Variants in NTRK3 observed in about 807,000 individuals in gnomAD.
NTRK3 encodes the protein NT-3 growth factor receptor.
Under a neutral mutation model 91.7 loss-of-function variants are expected in NTRK3, and 24 were observed. The ratio of observed to expected loss-of-function variants is 0.26; its 90% CI spans 0.19 to 0.37. The LOEUF (loss-of-function observed/expected upper bound fraction) is 0.37. Among genes scored for constraint, NTRK3 ranks in the 10% least tolerant of loss-of-function variants. The pLI, the probability that NTRK3 is intolerant of heterozygous loss-of-function variation, is 1.00. For synonymous variants in NTRK3, 483 were observed against 404.0 expected (o/e 1.20, Z -2.34); for missense variants, 880 against 1,068.9 (o/e 0.82, Z 2.46).
chr15:87,888,564 A>C (rs1306173250), intron 17 of NTRK3, among the ~76,000 whole-genome samples: 1 of 152,156 alleles, frequency 6.6e-6, no homozygotes, highest in African/African-American at 2.4e-5. Flanking sequence ...GATGATTCCC[A>C]TAGTCCCTTG....
intron 3 of NTRK3, among the ~76,000 whole-genome samples, chr15:88,194,206 G>T (rs147271791): frequency 6.6e-6 from 1 of 152,108 alleles, no homozygotes; most frequent in Non-Finnish European, 1.5e-5. Context: ...AGGCTCCTTC[G>T]CTGATGTCGT....
chr15:88,011,617 C>A (rs1188253873), intron 14 of NTRK3, among the ~76,000 whole-genome samples: 1 of 152,120 alleles, frequency 6.6e-6, no homozygotes, highest in Non-Finnish European at 1.5e-5. Flanking sequence ...TGAAAAGAAG[C>A]CGCAGCTGAA....
intron 14 of NTRK3, among the ~76,000 whole-genome samples, chr15:87,972,935 T>C (rs1318554595): frequency 6.6e-6 from 1 of 152,216 alleles, no homozygotes; most frequent in Non-Finnish European, 1.5e-5. Flanking sequence ...CTGTGGGATC[T>C]GTGCTCCTCA....
chr15:88,070,339 C>T (rs2046994545), intron 13 of NTRK3, among the ~76,000 whole-genome samples: 1 of 152,098 alleles, frequency 6.6e-6, no homozygotes, highest in South Asian at 2.1e-4. Flanking sequence ...CTGCCTTGAT[C>T]GTCCCCCAAC....
chr15:88,060,561 A>G (rs2142464001), intron 13 of NTRK3, among the ~76,000 whole-genome samples: 1 of 152,186 alleles, frequency 6.6e-6, no homozygotes, highest in South Asian at 2.1e-4. Flanking sequence ...AGGGGGAGAC[A>G]GGGTAGAGAG....
intron 15 of NTRK3, among the ~76,000 whole-genome samples, chr15:87,934,450 C>A (rs527460897): frequency 6.6e-6 from 1 of 152,318 alleles, no homozygotes; most frequent in South Asian, 2.1e-4. Context: ...ACTGACCTCT[C>A]CTATAGATCA....
At chr15:88,161,106 G>A (rs1216575851) in intron 5 of NTRK3, among the ~76,000 whole-genome samples, 5 of 152,188 alleles carry the variant, frequency 3.3e-5, no homozygotes, top group African/African-American at 1.2e-4. Flanking sequence ...ATTTGAGGTG[G>A]TAATAGTAAT....
intron 3 of NTRK3, among the ~76,000 whole-genome samples, chr15:88,208,227 T>C (rs912430952): frequency 7.2e-5 from 11 of 151,910 alleles, no homozygotes; most frequent in South Asian, 2.1e-4. Context: ...TCTCTCAAAG[T>C]CCATTTCTTC....
At chr15:88,093,936 T>C (rs893299973) in intron 13 of NTRK3, among the ~76,000 whole-genome samples, 1 of 152,112 alleles carries the variant, frequency 6.6e-6, no homozygotes, top group Admixed American at 6.5e-5. Context: ...CCCAATCCTA[T>C]GGGAAACTGA....
chr15:88,199,267 G>A (rs1170593765), intron 3 of NTRK3, among the ~76,000 whole-genome samples: 2 of 151,938 alleles, frequency 1.3e-5, no homozygotes, highest in South Asian at 2.1e-4. Context: ...GAGCTGGTGA[G>A]AGTCCACTCC....
intron 14 of NTRK3, among the ~76,000 whole-genome samples, chr15:88,027,839 A>G (rs1356530449): frequency 6.6e-6 from 1 of 152,206 alleles, no homozygotes; most frequent in Non-Finnish European, 1.5e-5. Context: ...CAGGACATGT[A>G]TATTTGAGAA....
At chr15:88,135,046 T>A (rs2041741642) in intron 10 of NTRK3, 55 bp downstream of exon 10, 13 of 1,600,556 alleles carry the variant, frequency 8.1e-6, no homozygotes, top group Non-Finnish European at 1.1e-5. Flanking sequence ...ATGCCCCATC[T>A]CCCAAGCTTG....
intron 14 of NTRK3, among the ~76,000 whole-genome samples, chr15:87,949,414 T>C (rs986869275): frequency 1.3e-5 from 2 of 152,060 alleles, no homozygotes; most frequent in Admixed American, 6.5e-5. Context: ...GGGGCACGTG[T>C]GCACCCTTAG....
chr15:88,133,942 T>C (rs1209942935), intron 10 of NTRK3, among the ~76,000 whole-genome samples: 1 of 152,226 alleles, frequency 6.6e-6, no homozygotes, highest in Non-Finnish European at 1.5e-5. Context: ...GGGCCTCCAG[T>C]ACGAGTTCCC....
chr15:88,250,715 TC>T (rs2053261266), intron 3 of NTRK3, among the ~76,000 whole-genome samples: 1 of 152,216 alleles, frequency 6.6e-6, no homozygotes, highest in Non-Finnish European at 1.5e-5. Context: ...CCACCCTGTC[TC>T]CTTCTCAAGT....
chr15:88,173,449 C>T (rs556488358), intron 5 of NTRK3, among the ~76,000 whole-genome samples: 1 of 152,354 alleles, frequency 6.6e-6, no homozygotes, highest in African/African-American at 2.4e-5. Context: ...AAATCTGCCA[C>T]TCCTGCATCG....
At chr15:87,880,514 A>C in intron 17 of NTRK3, 86 bp from the exon 19 acceptor site, 1 of 1,385,092 alleles carries the variant, frequency 7.2e-7, no homozygotes, top group South Asian at 1.2e-5. Context: ...ACATAGATGC[A>C]CTCTTGATGC....
chr15:87,908,355 T>C (rs1596194682), intron 17 of NTRK3: 2 of 396,668 alleles, frequency 5.0e-6, no homozygotes, highest in East Asian at 7.2e-5. Context: ...TGCTCCACGG[T>C]GGGAGGCAAG....
chr15:87,905,416 G>A (rs1407031628), intron 17 of NTRK3, among the ~76,000 whole-genome samples: 1 of 152,106 alleles, frequency 6.6e-6, no homozygotes, highest in Non-Finnish European at 1.5e-5. Context: ...ACCTTATCAG[G>A]AGGTTACCAT....
Sources: allele counts gnomAD v4.1 joint callset (sites outside exome capture counted in the v4.1 genomes callset), GRCh38; gene constraint gnomAD v4.1.1; transcripts MANE v1.5; gene names NCBI Gene and HGNC (gene_info 2026-07-23, HGNC 2026-07-21).